The following FGF12 variants were observed in gnomAD, a reference collection of about 807,000 sequenced individuals.
The protein encoded by FGF12 is fibroblast growth factor 12B.
Under a neutral mutation model 23.6 loss-of-function variants are expected in FGF12, and 14 were observed. That is an observed-to-expected ratio of 0.59 (90% CI 0.39 to 0.93). The LOEUF (loss-of-function observed/expected upper bound fraction) is 0.93. Among genes scored for constraint, FGF12 ranks in the 40% least tolerant of loss-of-function variants. The probability of loss-of-function intolerance (pLI) is 0.00; values close to 1 mark genes in which losing one functional copy is unlikely to be tolerated. For synonymous variants in FGF12, 62 were observed against 77.3 expected (o/e 0.80, Z 1.04); for missense variants, 175 against 217.8 (o/e 0.80, Z 1.24).
intron 4 of FGF12, among the ~76,000 whole-genome samples, chr3:192,283,992 A>C (rs1440232510): frequency 2.0e-5 from 3 of 152,078 alleles, no homozygotes; most frequent in African/African-American, 7.2e-5. Context: ...ACTTACAGAC[A>C]CAGCTTTCTC....
At chr3:192,209,858 G>A (rs981683514) in intron 4 of FGF12, among the ~76,000 whole-genome samples, 1 of 152,158 alleles carries the variant, frequency 6.6e-6, no homozygotes, top group South Asian at 2.1e-4. Context: ...GACTTAAAAT[G>A]TATTGCTTTC....
intron 2 of FGF12, among the ~76,000 whole-genome samples, chr3:192,457,201 G>C (rs974202940): frequency 6.6e-6 from 1 of 152,192 alleles, no homozygotes; most frequent in African/African-American, 2.4e-5. Context: ...TCTCAGCTAT[G>C]TCTTTATCAG....
chr3:192,630,519 C>A (rs1300947843), intron 2 of FGF12, among the ~76,000 whole-genome samples: 2 of 150,846 alleles, frequency 1.3e-5, no homozygotes, highest in Non-Finnish European at 2.9e-5. Flanking sequence ...GTGCTCTTAA[C>A]GCTGTGTGAC....
chr3:192,366,197 G>A, intron 2 of FGF12, among the ~76,000 whole-genome samples: 1 of 152,096 alleles, frequency 6.6e-6, no homozygotes, highest in Non-Finnish European at 1.5e-5. Context: ...AGAGAATAAG[G>A]AGGGGAGAGT....
intron 2 of FGF12, among the ~76,000 whole-genome samples, chr3:192,615,917 G>A (rs1382617545): frequency 6.6e-6 from 1 of 151,842 alleles, no homozygotes; most frequent in East Asian, 1.9e-4. Context: ...AATGAAAAAA[G>A]TACATCAAAA....
intron 4 of FGF12, among the ~76,000 whole-genome samples, chr3:192,208,076 G>T (rs1717743913): frequency 1.3e-5 from 2 of 152,172 alleles, no homozygotes; most frequent in African/African-American, 4.8e-5. Flanking sequence ...TCCCTTTACA[G>T]CTCATTAGCT....
intron 2 of FGF12, among the ~76,000 whole-genome samples, chr3:192,710,719 A>C (rs1445455496): frequency 6.6e-6 from 1 of 152,234 alleles, no homozygotes; most frequent in East Asian, 1.9e-4. Context: ...GCATCTAGCC[A>C]ACTGCTCTCC....
At position 192,635,607 on chromosome 3, in the gene FGF12, G is replaced by A. The variant is rs75857465; in HGVS notation, c.13+91574C>T. ...AATGCTTATGACTTGGCCTGACACCGTGTATACATTAATCCAGAAACCAGA... is the reference window on the plus strand; with the variant it reads ...AATGCTTATGACTTGGCCTGACACCATGTATACATTAATCCAGAAACCAGA... On this transcript the variant is annotated intron_variant, in intron 2 of 5. Coordinates refer to ENST00000445105, the MANE Select transcript of FGF12 (RefSeq NM_004113.6). 2.5e-4 allele frequency among the ~76,000 whole-genome samples: 38 copies of A among 152,294 alleles called. No individual in the cohort carries two copies. The East Asian group carries it at 6.0e-3, about 24-fold the overall frequency.
intron 4 of FGF12, among the ~76,000 whole-genome samples, chr3:192,248,109 A>G (rs1711749979): frequency 6.6e-6 from 1 of 152,214 alleles, no homozygotes; most frequent in Admixed American, 6.5e-5. Context: ...AACTATGAAC[A>G]TCTACTTCCT....
chr3:192,404,849 C>G (rs1353228259), intron 2 of FGF12, among the ~76,000 whole-genome samples: 1 of 152,174 alleles, frequency 6.6e-6, no homozygotes, highest in African/African-American at 2.4e-5. Context: ...CCAATGGCCT[C>G]CTTAGCCTAT....
At chr3:192,444,116 T>G (rs1722281960) in intron 2 of FGF12, among the ~76,000 whole-genome samples, 1 of 151,984 alleles carries the variant, frequency 6.6e-6, no homozygotes, top group African/African-American at 2.4e-5. Context: ...GAGGAAGAAA[T>G]AGGAAAATGA....
chr3:192,544,288 C>G (rs915022125), intron 2 of FGF12, among the ~76,000 whole-genome samples: 1 of 152,170 alleles, frequency 6.6e-6, no homozygotes, highest in African/African-American at 2.4e-5. Flanking sequence ...TCAAGGCTCT[C>G]TTTTCCACCC....
intron 2 of FGF12, among the ~76,000 whole-genome samples, chr3:192,420,525 G>A (rs1206103938): frequency 6.6e-6 from 1 of 152,144 alleles, no homozygotes; most frequent in African/African-American, 2.4e-5. Context: ...CCCTCTCCAC[G>A]GTAATGAGTG....
intron 2 of FGF12, among the ~76,000 whole-genome samples, chr3:192,437,808 T>C (rs1472509326): frequency 6.6e-6 from 1 of 152,218 alleles, no homozygotes; most frequent in Non-Finnish European, 1.5e-5. Context: ...GAAGCTTTAT[T>C]GGAGAATCCC....
intron 2 of FGF12, among the ~76,000 whole-genome samples, chr3:192,607,839 T>A (rs1714397128): frequency 9.3e-6 from 1 of 107,490 alleles, no homozygotes; most frequent in Non-Finnish European, 1.9e-5. Flanking sequence ...CAGAGAACAC[T>A]GAAAATTAAA....
chr3:192,637,917 C>T (rs1047560939), intron 2 of FGF12, among the ~76,000 whole-genome samples: 1 of 152,122 alleles, frequency 6.6e-6, no homozygotes, highest in African/African-American at 2.4e-5. Flanking sequence ...ACCTGAAATG[C>T]AGAAAGAAAA....
intron 2 of FGF12, among the ~76,000 whole-genome samples, chr3:192,632,697 G>A (rs1215266039): frequency 6.6e-6 from 1 of 152,164 alleles, no homozygotes; most frequent in Non-Finnish European, 1.5e-5. Flanking sequence ...ACTCTCAGAG[G>A]TAAAAATCAT....
intron 5 of FGF12, among the ~76,000 whole-genome samples, 172 bp downstream of exon 5, chr3:192,170,286 A>G (rs1479631382): frequency 9.9e-5 from 4 of 40,236 alleles, no homozygotes; most frequent in Admixed American, 5.1e-4. Context: ...CCTCAAAAGA[A>G]AAAAAAAAAA....
At position 192,170,614 on chromosome 3, in the gene FGF12, C is replaced by G. The variant is rs1715499076; in HGVS notation, c.271G>C (p.Glu91Gln). Residue 91 changes from glutamate (E) to glutamine (Q), a missense_variant, in exon 5 of 6, where the codon GAA becomes CAA. Coordinates refer to ENST00000445105, the MANE Select transcript of FGF12 (RefSeq NM_004113.6). ...PECKFKESVF[E>Q]NYYVIYSSTL... is the part of the protein sequence containing the mutation. ...GAAGAATAGATCACATAGTAGTTTT[C>G]AAACACAGATTCCTTGAATTTGCAT... 1 of 1,610,916 alleles carries G rather than the reference C, an allele frequency of 6.2e-7. No individual in the cohort carries two copies. Among genetic ancestry groups the G allele is most frequent in the Non-Finnish European group, 8.5e-7 (1 of 1,178,900 alleles).
Sources: gnomAD v4.1 joint callset for allele counts (sites outside exome capture counted in the v4.1 genomes callset) on GRCh38, gnomAD v4.1.1 for gene constraint, MANE v1.5 for transcripts, NCBI Gene and HGNC (gene_info 2026-07-23, HGNC 2026-07-21) for gene names.